CDK17: variants seen among roughly 807,000 people sequenced by gnomAD.
CDK17 encodes the protein cyclin-dependent kinase 17.
In CDK17, 24 loss-of-function variants were observed where a neutral mutation model predicts 77.6. The ratio of observed to expected loss-of-function variants is 0.31; its 90% confidence interval spans 0.22 to 0.44. The LOEUF (loss-of-function observed/expected upper bound fraction) is 0.44. Ranked by LOEUF, CDK17 falls within the 20% of genes least tolerant of loss-of-function variation. The pLI, the probability that CDK17 is intolerant of heterozygous loss-of-function variation, is 1.00. For missense variants in CDK17, 429 were observed against 622.5 expected, an observed-to-expected ratio of 0.69 and a Z score of 3.31; for synonymous variants, 203 against 210.4, an observed-to-expected ratio of 0.96 and a Z score of 0.30.
At chr12:96,357,568 A>C (rs1421217761) in intron 1 of CDK17, among the ~76,000 whole-genome samples, 1 of 152,212 alleles carries the variant, frequency 6.6e-6, no homozygotes, top group African/African-American at 2.4e-5. Context: ...CTCTCAAAGT[A>C]CAACTACAGA....
At chr12:96,394,862 A>T in intron 1 of CDK17, among the ~76,000 whole-genome samples, 2 of 130,790 alleles carry the variant, frequency 1.5e-5, no homozygotes, top group African/African-American at 2.9e-5. Context: ...TTTATTTATT[A>T]TTTATTCAAA....
chr12:96,399,822 C>T (rs547332895), intron 1 of CDK17, among the ~76,000 whole-genome samples, 164 bp downstream of exon 1: 1 of 152,090 alleles, frequency 6.6e-6, no homozygotes, highest in East Asian at 1.9e-4. Flanking sequence ...CAGGCGCACG[C>T]TAGCCCCCCG....
intron 3 of CDK17, among the ~76,000 whole-genome samples, chr12:96,322,644 T>C (rs568981378): frequency 4.1e-4 from 62 of 152,250 alleles, no homozygotes; most frequent in African/African-American, 1.3e-3. Context: ...AAATGTGCAG[T>C]AGCATACCAT....
At chr12:96,393,337 C>T (rs1954105433) in intron 1 of CDK17, among the ~76,000 whole-genome samples, 2 of 117,532 alleles carry the variant, frequency 1.7e-5, no homozygotes, top group African/African-American at 3.5e-5. Flanking sequence ...TGTACTCCAG[C>T]CTGTGAGGCT....
At chr12:96,308,230 A>T (rs1233144239) in intron 5 of CDK17, among the ~76,000 whole-genome samples, 6 of 107,912 alleles carry the variant, frequency 5.6e-5, no homozygotes, top group Non-Finnish European at 9.5e-5. Flanking sequence ...TGCCATCTCT[A>T]AAAAAAAAAA....
At chr12:96,395,171 G>A (rs1041236371) in intron 1 of CDK17, among the ~76,000 whole-genome samples, 6 of 152,118 alleles carry the variant, frequency 3.9e-5, no homozygotes, top group Non-Finnish European at 8.8e-5. Flanking sequence ...ACCATGCCTC[G>A]CCCATATAAA....
intron 1 of CDK17, among the ~76,000 whole-genome samples, chr12:96,343,413 T>C (rs1029601706): frequency 2.0e-5 from 3 of 152,202 alleles, no homozygotes; most frequent in Admixed American, 6.5e-5. Context: ...TGGGAGAATT[T>C]TGTCCTCCAA....
At chr12:96,294,870 A>T (rs1436694731) in intron 10 of CDK17, 129 bp downstream of exon 10, 1 of 728,396 alleles carries the variant, frequency 1.4e-6, no homozygotes, top group Non-Finnish European at 2.2e-6. Context: ...CAAATATCTT[A>T]TTCTGTGGGC....
chr12:96,323,249 A>C (rs1952845456), intron 3 of CDK17, among the ~76,000 whole-genome samples: 1 of 150,586 alleles, frequency 6.6e-6, no homozygotes, highest in African/African-American at 2.4e-5. Flanking sequence ...CCTGGGCAAC[A>C]CAGTGAGACC....
At chr12:96,353,882 T>C (rs1953353654) in intron 1 of CDK17, among the ~76,000 whole-genome samples, 2 of 152,144 alleles carry the variant, frequency 1.3e-5, no homozygotes, top group African/African-American at 2.4e-5. Context: ...GGATTGAACC[T>C]ATTGGAACAA....
intron 1 of CDK17, among the ~76,000 whole-genome samples, chr12:96,379,812 G>A (rs909690668): frequency 7.2e-5 from 11 of 151,972 alleles, no homozygotes; most frequent in African/African-American, 1.2e-4. Context: ...TTTCCTCATC[G>A]GAAGATAAAA....
chr12:96,339,057 G>A (rs1331675057), intron 1 of CDK17, among the ~76,000 whole-genome samples: 1 of 151,828 alleles, frequency 6.6e-6, no homozygotes, highest in African/African-American at 2.4e-5. Flanking sequence ...TCAGAATCTT[G>A]CCACACCATT....
chr12:96,293,593 T>C (rs1952357957), intron 10 of CDK17, among the ~76,000 whole-genome samples: 1 of 152,228 alleles, frequency 6.6e-6, no homozygotes, highest in Non-Finnish European at 1.5e-5. Context: ...GTAAGTGGTC[T>C]CTTAAAAGCT....
chr12:96,294,611 A>AAAAAAAAAAAAAAAAAT lies in CDK17; in HGVS notation c.997+387_997+388insATTTTTTTTTTTTTTTT, dbSNP rs71097274. 5.1e-4 allele frequency among the ~76,000 whole-genome samples: 62 copies of AAAAAAAAAAAAAAAAAT among 121,312 alleles called. 3 individuals carry two copies. The highest frequency in any genetic ancestry group is 7.4e-4 in the Non-Finnish European group (43 of 57,748). The allele number at this position is 121,312 out of a possible 152,430, so 79.6% of individuals were successfully genotyped here. On this transcript the variant is annotated intron_variant, in intron 10 of 16. Transcript: ENST00000261211. ...AAAAAAAAAAAAAAAAAAAAAAAAA[A>AAAAAAAAAAAAAAAAAT]GATATATTTTGGTGCCACTACTTTG... is the stretch of plus-strand genomic sequence containing the variant.
At chr12:96,363,044 C>CA (rs1953521005) in intron 1 of CDK17, among the ~76,000 whole-genome samples, 1 of 152,092 alleles carries the variant, frequency 6.6e-6, no homozygotes, top group South Asian at 2.1e-4. Context: ...CTTGAAGGGA[C>CA]AAAGATAATT....
At chr12:96,290,533 G>A (rs1489531142) in intron 10 of CDK17, among the ~76,000 whole-genome samples, 1 of 152,178 alleles carries the variant, frequency 6.6e-6, no homozygotes, top group Non-Finnish European at 1.5e-5. Flanking sequence ...CAGTATAATG[G>A]TGAAAGGTTA....
chr12:96,348,694 T>TA (rs1201076566), intron 1 of CDK17, among the ~76,000 whole-genome samples: 4 of 152,198 alleles, frequency 2.6e-5, no homozygotes, highest in African/African-American at 9.6e-5. Context: ...TATGAACAAT[T>TA]ATATGCTAAC....
rs1952484305 is a variant in CDK17, at chr12:96,300,504, C to T, written c.544-144G>A. On this transcript the variant is annotated intron_variant, in intron 5 of 16. Coordinates refer to ENST00000261211, the MANE Select transcript of CDK17 (RefSeq NM_002595.5). ...CTCCACCTCGCGGGTTCAAGTGATT[C>T]TCCTGCCTCAGCCTCCGGAGCAGCT... 1.1e-5 allele frequency: 6 copies of T among 554,502 alleles called. No individual in the cohort carries two copies. The Admixed American group carries it at 2.0e-4, about 19-fold the overall frequency. The allele number at this position is 554,502 out of a possible 1,614,324, so 34.3% of individuals were successfully genotyped here.
chr12:96,312,843 G>A (rs1195064382), intron 4 of CDK17, among the ~76,000 whole-genome samples: 1 of 151,892 alleles, frequency 6.6e-6, no homozygotes, highest in Non-Finnish European at 1.5e-5. Flanking sequence ...GAACCACAAA[G>A]GAAAGGACAC....
Sources: gnomAD v4.1 joint callset for allele counts (sites outside exome capture counted in the v4.1 genomes callset) on GRCh38, gnomAD v4.1.1 for gene constraint, MANE v1.5 for transcripts, NCBI Gene and HGNC (gene_info 2026-07-23, HGNC 2026-07-21) for gene names.